The following XKR9 variants were observed in gnomAD, a reference collection of about 807,000 sequenced individuals.
XKR9 encodes the protein XK-related protein 9.
XKR9 carries 32 observed loss-of-function variants against 32.0 expected under a neutral mutation model. That is an observed-to-expected ratio of 1.00 (90% confidence interval 0.76 to 1.34). XKR9 has a LOEUF of 1.34. Ranked by LOEUF, XKR9 falls within the 40% of genes most tolerant of loss-of-function variation. XKR9 has a pLI of 0.00. For synonymous variants in XKR9, 168 were observed against 143.4 expected, an observed-to-expected ratio of 1.17 and a Z score of -1.22; for missense variants, 546 against 429.7, an observed-to-expected ratio of 1.27 and a Z score of -2.39.
At chr8:70,695,722 T>G (rs1805246985) in intron 3 of XKR9, among the ~76,000 whole-genome samples, 2 of 151,486 alleles carry the variant, frequency 1.3e-5, no homozygotes, top group African/African-American at 4.8e-5. Flanking sequence ...CAAATGGTAT[T>G]TCTAGTTCTA....
chr8:70,703,988 C>G (rs1010580906), intron 3 of XKR9, among the ~76,000 whole-genome samples: 1 of 152,052 alleles, frequency 6.6e-6, no homozygotes, highest in African/African-American at 2.4e-5. Context: ...CAAGACCATC[C>G]TGGCTAACAC....
At chr8:70,722,251 AC>A (rs1806308350) in intron 4 of XKR9, among the ~76,000 whole-genome samples, 1 of 151,846 alleles carries the variant, frequency 6.6e-6, no homozygotes. Context: ...TTTTTATCCA[AC>A]TTGCCAGTTT....
intron 3 of XKR9, among the ~76,000 whole-genome samples, chr8:70,699,976 A>G (rs992674565): frequency 2.0e-4 from 30 of 152,084 alleles, no homozygotes; most frequent in Non-Finnish European, 3.5e-4. Flanking sequence ...TGATCGCATC[A>G]GCTCCTGAGT....
At chr8:70,826,249 C>A in the XKR9 span, among the ~76,000 whole-genome samples, 1 of 151,976 alleles carries the variant, frequency 6.6e-6, no homozygotes, top group Admixed American at 6.6e-5. Flanking sequence ...AAGTGTGGAC[C>A]GCAAAAATCA....
chr8:70,822,758 CTT>C, the XKR9 span, among the ~76,000 whole-genome samples: 1 of 151,914 alleles, frequency 6.6e-6, no homozygotes, highest in Non-Finnish European at 1.5e-5. Context: ...TTTTTTAAGA[CTT>C]TACCTACTTG....
intron 2 of XKR9, among the ~76,000 whole-genome samples, chr8:70,743,812 T>G (rs1419569650): frequency 6.6e-6 from 1 of 152,122 alleles, no homozygotes; most frequent in Admixed American, 6.5e-5. Context: ...ATTTGGATTT[T>G]GTGTAGTTGG....
At chr8:70,862,552 A>G in the XKR9 span, among the ~76,000 whole-genome samples, 1 of 121,220 alleles carries the variant, frequency 8.2e-6, no homozygotes, top group African/African-American at 3.8e-5. Context: ...ATTATACTTA[A>G]CATCTGTTCA....
chr8:70,926,491 G>A, the XKR9 span, among the ~76,000 whole-genome samples: 1 of 152,080 alleles, frequency 6.6e-6, no homozygotes, highest in Non-Finnish European at 1.5e-5. Context: ...CCCAACCACT[G>A]AATACTTCTT....
the XKR9 span, among the ~76,000 whole-genome samples, chr8:70,965,416 T>G: frequency 6.6e-6 from 1 of 152,226 alleles, no homozygotes; most frequent in Admixed American, 6.5e-5. Flanking sequence ...TTTCTATTTT[T>G]TGATGTATCT....
chr8:70,983,343 T>A, the XKR9 span, among the ~76,000 whole-genome samples: 2 of 152,184 alleles, frequency 1.3e-5, no homozygotes, highest in Non-Finnish European at 2.9e-5. Context: ...CATAACCGTC[T>A]GAACTTCCTG....
At chr8:70,923,321 C>T in the XKR9 span, among the ~76,000 whole-genome samples, 1 of 152,202 alleles carries the variant, frequency 6.6e-6, no homozygotes, top group African/African-American at 2.4e-5. Context: ...TTGGCCCTTG[C>T]CTGTTCTTTG....
the XKR9 span, among the ~76,000 whole-genome samples, chr8:70,943,550 A>G: frequency 6.6e-6 from 1 of 152,162 alleles, no homozygotes; most frequent in Non-Finnish European, 1.5e-5. Flanking sequence ...TTTCAGTTTT[A>G]AAAATTATTG....
chr8:70,739,236 C>G (rs1806921611), downstream of XKR9, among the ~76,000 whole-genome samples: 2 of 152,044 alleles, frequency 1.3e-5, no homozygotes, highest in South Asian at 4.1e-4. Context: ...CCTTCTTTGT[C>G]TCTTTTGATG....
Position 70,754,698 on chromosome 8 carries a change from C to G in XKR9, n.353-34641C>G, listed in dbSNP as rs1807192356. On this transcript the variant is annotated intron_variant and non_coding_transcript_variant, in intron 2 of 3. Coordinates refer to the XKR9 transcript ENST00000520273. ...TATTTAATAAATGGTGCTGGGAAAA[C>G]TGGCTAGCCATATGTAGAAAGCTGA... Among the ~76,000 whole-genome samples the G allele has an allele frequency of 2.0e-5, 3 of 151,110 alleles. No homozygotes were observed. In the Admixed American group the frequency reaches 2.0e-4, roughly 10 times the overall value.
At chr8:70,989,748 C>A in the XKR9 span, among the ~76,000 whole-genome samples, 4 of 152,150 alleles carry the variant, frequency 2.6e-5, no homozygotes, top group African/African-American at 9.7e-5. Context: ...TAATTATATT[C>A]ACAATATGGT....
At chr8:70,841,580 T>A in the XKR9 span, among the ~76,000 whole-genome samples, 1 of 152,146 alleles carries the variant, frequency 6.6e-6, no homozygotes, top group Admixed American at 6.5e-5. Flanking sequence ...AGTTGTCATG[T>A]CTCTCTAGGT....
chr8:71,020,133 G>A, the XKR9 span, among the ~76,000 whole-genome samples: 1 of 152,130 alleles, frequency 6.6e-6, no homozygotes, highest in African/African-American at 2.4e-5. Flanking sequence ...TGGATTAAAT[G>A]GAATAATCAG....
chr8:70,855,190 AG>A, the XKR9 span, among the ~76,000 whole-genome samples: 14 of 152,220 alleles, frequency 9.2e-5, no homozygotes, highest in South Asian at 2.7e-3. Flanking sequence ...GAGGTAAAGG[AG>A]GAAGTTTGAA....
At chr8:70,986,829 C>T in the XKR9 span, among the ~76,000 whole-genome samples, 1 of 152,196 alleles carries the variant, frequency 6.6e-6, no homozygotes, top group Non-Finnish European at 1.5e-5. Flanking sequence ...TTGATAAAGA[C>T]ATACCTGAGA....
Sources: allele counts gnomAD v4.1 joint callset (sites outside exome capture counted in the v4.1 genomes callset), GRCh38; gene constraint gnomAD v4.1.1; transcripts MANE v1.5; gene names NCBI Gene and HGNC (gene_info 2026-07-23, HGNC 2026-07-21).